LTBP1: variants seen among roughly 807,000 people sequenced by gnomAD.
LTBP1 encodes the protein latent-transforming growth factor beta-binding protein 1.
A neutral mutation model predicts 207.6 loss-of-function variants in LTBP1; 129 were observed. The ratio of observed to expected loss-of-function variants is 0.62; its 90% confidence interval spans 0.54 to 0.72. The LOEUF is 0.72. LTBP1 is among the 30% of genes least tolerant of loss of function. The pLI is 0.00. For synonymous variants in LTBP1, 963 were observed against 833.7 expected (o/e 1.16, Z -2.67); for missense variants, 2,281 against 2,217.2 (o/e 1.03, Z -0.58).
rs372362661 is a variant in LTBP1 at position 33,245,622 on chromosome 2, C to G, written c.1999+1838C>G. Among the ~76,000 whole-genome samples the G allele has an allele frequency of 2.5e-4, 38 of 152,282 alleles. No individual in the cohort carries two copies. In the South Asian group the frequency reaches 7.3e-3, roughly 29 times the overall value. ...AAAATTACATTTGCACACAAATTAC[C>G]TTTGAAACTGATGCAAGGATTTGGA... is the stretch of plus-strand genomic sequence containing the variant. On this transcript the variant is annotated intron_variant, in intron 10 of 33. Transcript: ENST00000404816.
At chr2:32,971,145 AT>A (rs759997529) in intron 2 of LTBP1, among the ~76,000 whole-genome samples, 2 of 151,838 alleles carry the variant, frequency 1.3e-5, no homozygotes, top group Admixed American at 6.6e-5. Flanking sequence ...TTGATACTGT[AT>A]CCTGAAACTT....
At chr2:33,212,650 G>T (rs1018423135) in intron 7 of LTBP1, among the ~76,000 whole-genome samples, 1 of 152,138 alleles carries the variant, frequency 6.6e-6, no homozygotes, top group Non-Finnish European at 1.5e-5. Flanking sequence ...AGCATTAACT[G>T]TTGAAAAGAT....
chr2:33,217,701 G>A, intron 8 of LTBP1, 47 bp downstream of exon 8: 1 of 1,322,498 alleles, frequency 7.6e-7, no homozygotes, highest in Non-Finnish European at 1.1e-6. Flanking sequence ...TAGCATATCT[G>A]TTTTTTATGA....
intron 9 of LTBP1, among the ~76,000 whole-genome samples, chr2:33,227,895 C>G (rs2091538431): frequency 6.7e-6 from 1 of 150,200 alleles, no homozygotes; most frequent in Non-Finnish European, 1.5e-5. Flanking sequence ...GCCTCTGCCT[C>G]CCAGATTCAA....
chr2:33,241,045 T>G (rs2092304983), intron 9 of LTBP1, among the ~76,000 whole-genome samples: 1 of 152,172 alleles, frequency 6.6e-6, no homozygotes, highest in African/African-American at 2.4e-5. Flanking sequence ...TATATTCTAG[T>G]GTATATACGT....
intron 2 of LTBP1, among the ~76,000 whole-genome samples, chr2:32,961,597 G>C (rs1404039774): frequency 6.6e-6 from 1 of 152,058 alleles, no homozygotes; most frequent in Non-Finnish European, 1.5e-5. Context: ...ATTAGTCATT[G>C]ACTCCGCCTG....
intron 5 of LTBP1, among the ~76,000 whole-genome samples, chr2:33,174,230 A>C (rs2148506748): frequency 6.8e-6 from 1 of 147,528 alleles, no homozygotes; most frequent in African/African-American, 2.5e-5. Context: ...CTGTTTGCAG[A>C]TGACATGATT....
At chr2:33,359,738 G>C (rs2094905088) in intron 26 of LTBP1, among the ~76,000 whole-genome samples, 1 of 152,144 alleles carries the variant, frequency 6.6e-6, no homozygotes. Context: ...AGGAGAGAAG[G>C]GATGTGACTA....
chr2:33,221,401 G>T (rs2091091737), intron 8 of LTBP1, among the ~76,000 whole-genome samples: 1 of 152,182 alleles, frequency 6.6e-6, no homozygotes, highest in Admixed American at 6.5e-5. Context: ...GCTATGCCAG[G>T]TGCTCTCTCA....
intron 3 of LTBP1, among the ~76,000 whole-genome samples, chr2:33,100,925 A>G (rs943173574): frequency 6.6e-6 from 1 of 152,118 alleles, no homozygotes; most frequent in African/African-American, 2.4e-5. Flanking sequence ...GACAAACCAC[A>G]TTTTGTTTGT....
At chr2:33,174,152 C>T (rs2085769658) in intron 5 of LTBP1, among the ~76,000 whole-genome samples, 1 of 147,130 alleles carries the variant, frequency 6.8e-6, no homozygotes, top group Non-Finnish European at 1.5e-5. Context: ...GAAGTTCTAG[C>T]CAGGGCAATC....
At chr2:33,273,831 A>G (rs1031536782) in intron 16 of LTBP1, 50 bp downstream of exon 16, 10 of 1,493,620 alleles carry the variant, frequency 6.7e-6, no homozygotes, top group South Asian at 4.0e-5. Flanking sequence ...ACATTTGAAC[A>G]TTAAGAACAT....
At chr2:33,249,397 A>G (rs554315562) in intron 10 of LTBP1, among the ~76,000 whole-genome samples, 94 of 151,872 alleles carry the variant, frequency 6.2e-4, no homozygotes, top group African/African-American at 2.1e-3. Context: ...ATGGGTTAAT[A>G]CATTAGAGTA....
At chr2:33,250,214 G>A (rs2092643096) in intron 10 of LTBP1, among the ~76,000 whole-genome samples, 1 of 152,166 alleles carries the variant, frequency 6.6e-6, no homozygotes, top group Non-Finnish European at 1.5e-5. Context: ...AATAGGGGCA[G>A]TTTTAAATGG....
intron 3 of LTBP1, among the ~76,000 whole-genome samples, chr2:33,022,945 T>C (rs1180673506): frequency 6.6e-6 from 1 of 152,192 alleles, no homozygotes; most frequent in Non-Finnish European, 1.5e-5. Context: ...TATCCTTAAC[T>C]TCTGGGCCAT....
chr2:33,342,992 T>C, intron 25 of LTBP1, 29 bp downstream of exon 25: 2 of 1,603,594 alleles, frequency 1.2e-6, no homozygotes, highest in Non-Finnish European at 8.5e-7. Flanking sequence ...TCCCAACGTG[T>C]TTCACATGTC....
intron 26 of LTBP1, among the ~76,000 whole-genome samples, chr2:33,356,707 C>A (rs541266084): frequency 6.6e-6 from 1 of 152,132 alleles, no homozygotes; most frequent in African/African-American, 2.4e-5. Context: ...TGAGAAAACT[C>A]GAAACAAGGC....
At chr2:33,232,555 G>C (rs2091848500) in intron 9 of LTBP1, among the ~76,000 whole-genome samples, 1 of 152,160 alleles carries the variant, frequency 6.6e-6, no homozygotes, top group Non-Finnish European at 1.5e-5. Flanking sequence ...TCTGATGGCA[G>C]TATTTCTTGT....
intron 3 of LTBP1, among the ~76,000 whole-genome samples, chr2:33,040,777 G>T (rs142555861): frequency 6.6e-6 from 1 of 152,178 alleles, no homozygotes; most frequent in East Asian, 1.9e-4. Context: ...GAACAGAGCC[G>T]GCTGCAGTGC....
Sources: gnomAD v4.1 joint callset for allele counts (sites outside exome capture counted in the v4.1 genomes callset) on GRCh38, gnomAD v4.1.1 for gene constraint, MANE v1.5 for transcripts, NCBI Gene and HGNC (gene_info 2026-07-23, HGNC 2026-07-21) for gene names.